The following OTOG variants were observed in gnomAD, a reference collection of about 807,000 sequenced individuals.
The protein encoded by OTOG is otogelin.
A neutral mutation model predicts 313.8 loss-of-function variants in OTOG; 296 were observed. The ratio of observed to expected loss-of-function variants is 0.94; its 90% CI spans 0.86 to 1.04. The LOEUF (loss-of-function observed/expected upper bound fraction) is 1.04. Among genes scored for constraint, OTOG ranks in the 50% least tolerant of loss-of-function variants. OTOG has a pLI of 0.00. For synonymous variants in OTOG, 1,533 were observed against 1,554.9 expected (o/e 0.99, Z 0.33); for missense variants, 3,948 against 3,840.1 (o/e 1.03, Z -0.74).
intron 47 of OTOG, among the ~76,000 whole-genome samples, chr11:17,637,762 A>G (rs1437265646): frequency 6.6e-6 from 1 of 152,284 alleles, no homozygotes; most frequent in East Asian, 1.9e-4. Context: ...GACACCATAA[A>G]AATGCCCTCC....
chr11:17,629,041 T>C (rs921845328), intron 39 of OTOG, 92 bp from the exon 40 acceptor site: 1 of 1,259,862 alleles, frequency 7.9e-7, no homozygotes, highest in Non-Finnish European at 1.1e-6. Context: ...GGTGGATGGA[T>C]GGATGGATGA....
rs148972527 is a variant in OTOG at position 17,574,865 on chromosome 11, C to T, written c.2439C>T (p.Cys813=). 2.6e-6 allele frequency: 4 copies of T among 1,543,256 alleles called. No homozygotes were observed. The East Asian group carries it at 9.8e-5, about 38-fold the overall frequency. ...SRDECVEGCA[C]PPDTYLDTQA... The stretch of plus-strand genomic sequence containing the variant: ...ACGAGTGTGTGGAGGGCTGTGCCTG[C>T]CCACCGGACACCTATCTGGACACCC... The change falls in exon 20 of 56, where the codon TGC becomes TGT. Residue 813 remains cysteine (C), a synonymous_variant. Transcript: ENST00000399397.
At chr11:17,613,788 G>A in intron 39 of OTOG, 87 bp downstream of exon 39, 3 of 939,168 alleles carry the variant, frequency 3.2e-6, no homozygotes, top group Non-Finnish European at 4.8e-6. Context: ...CTGTGAGGCT[G>A]AATCATGATT....
At chr11:17,641,758 C>T (rs554473170) in intron 51 of OTOG, 89 bp from the exon 52 acceptor site, 6 of 947,506 alleles carry the variant, frequency 6.3e-6, no homozygotes, top group Non-Finnish European at 7.9e-6. Flanking sequence ...TCCTTCCAGG[C>T]TCTGGGATCC....
intron 23 of OTOG, among the ~76,000 whole-genome samples, chr11:17,583,343 C>T (rs1477336783): frequency 6.6e-6 from 1 of 152,016 alleles, no homozygotes; most frequent in Non-Finnish European, 1.5e-5. Flanking sequence ...TGCTATGTTG[C>T]CCAGGCTGAT....
chr11:17,565,084 T>C (rs1852270473), intron 15 of OTOG, among the ~76,000 whole-genome samples: 1 of 152,240 alleles, frequency 6.6e-6, no homozygotes, highest in East Asian at 1.9e-4. Flanking sequence ...TGTTAATAGA[T>C]TATCATTAGC....
intron 3 of OTOG, among the ~76,000 whole-genome samples, chr11:17,550,682 G>A (rs1324158790): frequency 1.3e-5 from 2 of 151,504 alleles, no homozygotes; most frequent in Non-Finnish European, 2.9e-5. Context: ...AAGGATGCGA[G>A]TTGTTTCCTG....
In OTOG at chr11:17,593,825, A is replaced by T. The variant is rs564786276; in HGVS notation, c.3288+69A>T. 5 of 1,518,206 alleles carry T rather than the reference A, an allele frequency of 3.3e-6. No individual in the cohort carries two copies. In the Admixed American group the frequency reaches 9.9e-5, roughly 30 times the overall value. 94.0% of individuals were successfully genotyped at this position (1,518,206 alleles called of 1,614,324 possible). ...GCCAAGCCCTGGGTGTCCTTGGGTG[A>T]GCTGTACCCTCCCTGAGGAGCCAAG... On this transcript the variant is annotated intron_variant, in intron 27 of 55. Coordinates refer to ENST00000399397, the MANE Select transcript of OTOG (RefSeq NM_001292063.2).
rs1044053918 is a variant in OTOG at position 17,635,609 on chromosome 11, G to A, written c.7694-1G>A. 13 of 1,549,986 alleles carry A rather than the reference G, an allele frequency of 8.4e-6. No homozygotes were observed. Among genetic ancestry groups the A allele is most frequent in the Non-Finnish European group, 1.0e-5 (12 of 1,146,520 alleles). ...ACAGCATTGACCCTCTTCCCCCTCA[G>A]CCTGTGGTGACTGTCCAGACTCCAT... On this transcript the variant is annotated splice_acceptor_variant, in intron 46 of 55. Transcript: ENST00000399397. LOFTEE classifies it high-confidence loss of function.
chr11:17,632,006 C>A, intron 41 of OTOG, 82 bp from the exon 42 acceptor site: 2 of 1,540,520 alleles, frequency 1.3e-6, no homozygotes, highest in Non-Finnish European at 8.8e-7. Flanking sequence ...GCTCATTGTT[C>A]CTTTTGGGCA....
rs537805169 is a variant in OTOG, at chr11:17,583,138, TATTA to T, written c.2760-3335_2760-3332del. ...ATGGATTAAATAATTAATTTATTAT[TATTA>T]TTTTTTTTTACAGACAAGGTCTTGC... On this transcript the variant is annotated intron_variant, in intron 23 of 55. Coordinates refer to ENST00000399397, the MANE Select transcript of OTOG (RefSeq NM_001292063.2). Among the ~76,000 whole-genome samples the T allele has an allele frequency of 3.6e-3, 549 of 152,028 alleles. 3 individuals are homozygous for T. Among genetic ancestry groups the T allele is most frequent in the African/African-American group, 0.013 (521 of 41,510 alleles).
intron 30 of OTOG, 52 bp downstream of exon 30, chr11:17,597,059 G>C (rs1378321846): frequency 6.5e-7 from 1 of 1,537,368 alleles, no homozygotes; most frequent in African/African-American, 1.4e-5. Context: ...GTCACCTGTG[G>C]GCATGCCCTA....
intron 15 of OTOG, 82 bp downstream of exon 15, chr11:17,561,889 G>A: frequency 4.0e-6 from 6 of 1,502,968 alleles, no homozygotes; most frequent in Non-Finnish European, 5.4e-6. Flanking sequence ...CTTAGGACAG[G>A]GCTCAGGTCT....
intron 47 of OTOG, among the ~76,000 whole-genome samples, chr11:17,637,319 C>T (rs994214726): frequency 6.6e-6 from 1 of 152,086 alleles, no homozygotes; most frequent in Admixed American, 6.5e-5. Flanking sequence ...TCTGTTTCTT[C>T]CTGTTTGTCC....
At chr11:17,625,604 G>A (rs977187928) in intron 39 of OTOG, among the ~76,000 whole-genome samples, 4 of 152,066 alleles carry the variant, frequency 2.6e-5, no homozygotes, top group Admixed American at 6.5e-5. Context: ...CTTCTTTTGA[G>A]AAATGTCTAT....
chr11:17,612,050 G>T (rs1853565953), intron 36 of OTOG, 112 bp from the exon 37 acceptor site: 2 of 1,309,612 alleles, frequency 1.5e-6, no homozygotes, highest in Non-Finnish European at 2.1e-6. Flanking sequence ...TCCCTAGAAG[G>T]TCCCCTGCCC....
rs577674003 is a variant in OTOG at position 17,558,546 on chromosome 11, C to T, written c.1005C>T (p.Tyr335=). Residue 335 remains tyrosine, a synonymous_variant, in exon 10 of 56, where the codon TAC becomes TAT. Coordinates refer to ENST00000399397, the MANE Select transcript of OTOG (RefSeq NM_001292063.2). ...QQNPGTMQGV[Y]EQCEALLRPP... is the part of the protein sequence containing the mutation. ...CTGGTCCCTTGCTCTAGGGCGTGTA[C>T]GAGCAGTGTGAGGCTCTACTGCGGC... 1.1e-5 allele frequency: 17 copies of T among 1,550,486 alleles called. No homozygotes were observed. Among genetic ancestry groups the T allele is most frequent in the African/African-American group, 8.2e-5 (6 of 73,190 alleles).
In OTOG at chr11:17,547,434, A is replaced by G. The variant is rs1468624982; in HGVS notation, c.62A>G (p.Gln21Arg). 1 of 1,395,748 alleles carries G rather than the reference A, an allele frequency of 7.2e-7. No homozygotes were observed. Among genetic ancestry groups the G allele is most frequent in the Non-Finnish European group, 9.3e-7 (1 of 1,079,924 alleles). The allele number at this position is 1,395,748 out of a possible 1,614,324, so 86.5% of individuals were successfully genotyped here. ...TGTGTCTGGCTGCCCTGGGGTGAGC[A>G]GGCAGCCGAGTCCCTGCGGGTGCAG... is the stretch of plus-strand genomic sequence containing the variant. ...LLCVWLPWGE[Q>R]AAESLRVQRL... The change falls in exon 1 of 56, where the codon CAG becomes CGG. Residue 21 changes from glutamine to arginine, a missense_variant. Coordinates refer to ENST00000399397, the MANE Select transcript of OTOG (RefSeq NM_001292063.2).
At chr11:17,638,697 T>C in intron 48 of OTOG, 148 bp downstream of exon 48, 2 of 1,523,386 alleles carry the variant, frequency 1.3e-6, no homozygotes, top group Non-Finnish European at 1.8e-6. Flanking sequence ...ATCACCTTCC[T>C]TCTGCATCCG....
Sources: gnomAD v4.1 joint callset for allele counts (sites outside exome capture counted in the v4.1 genomes callset) on GRCh38, gnomAD v4.1.1 for gene constraint, MANE v1.5 for transcripts, NCBI Gene and HGNC (gene_info 2026-07-23, HGNC 2026-07-21) for gene names.